Variants in MS4A6A observed in about 807,000 individuals in gnomAD.
The protein encoded by MS4A6A is membrane-spanning 4-domains subfamily A member 6A.
A neutral mutation model predicts 20.6 loss-of-function variants in MS4A6A; 19 were observed. The ratio of observed to expected loss-of-function variants is 0.92; its 90% CI spans 0.64 to 1.36. The LOEUF is 1.36. MS4A6A is among the 40% of genes most tolerant of loss of function. The probability of loss-of-function intolerance (pLI) is 0.00; values close to 1 mark genes in which losing one functional copy is unlikely to be tolerated. For synonymous variants in MS4A6A, 108 were observed against 105.0 expected (o/e 1.03, Z -0.17); for missense variants, 272 against 261.1 (o/e 1.04, Z -0.29).
In MS4A6A at chr11:60,179,894, T is replaced by A; in HGVS notation, c.219A>T (p.Pro73=). 1 of 1,614,028 alleles carries A rather than the reference T, an allele frequency of 6.2e-7. No individual in the cohort carries two copies. The highest frequency in any genetic ancestry group is 8.5e-7 in the Non-Finnish European group (1 of 1,179,990). The change falls in exon 3 of 6, where the codon CCA becomes CCT. Residue 73 remains proline, a synonymous_variant. Coordinates refer to ENST00000528851, the MANE Select transcript of MS4A6A (RefSeq NM_022349.4). ...GIILASASFS[P]NFTQVTSTLL... ...GTGTAGAAGTCACTTGGGTAAAATT[T>A]GGAGAGAAGGAAGCAGATGCCAAAA...
intron 4 of MS4A6A, chr11:60,177,070 CG>C (rs1856879233): frequency 6.6e-6 from 1 of 152,174 alleles, no homozygotes; most frequent in Non-Finnish European, 1.5e-5. Flanking sequence ...TTCACATCAT[CG>C]ATAGCCACAT....
At chr11:60,184,347 C>T (rs187010172), upstream of MS4A6A, 22 of 152,384 alleles carry the variant, frequency 1.4e-4, no homozygotes, top group Admixed American at 7.2e-4. Context: ...CTTCCTCTTT[C>T]GCAGAGTGCC....
At position 60,179,890 on chromosome 11, in the gene MS4A6A, A is replaced by C. The variant is rs751072418; in HGVS notation, c.223T>G (p.Phe75Val). The change falls in exon 3 of 6, where the codon TTT becomes GTT. Residue 75 changes from phenylalanine to valine, a missense_variant. Phe to Val is a conservative substitution (Grantham distance 50, BLOSUM62 -1). Coordinates refer to ENST00000528851, the MANE Select transcript of MS4A6A (RefSeq NM_022349.4). ...ILASASFSPN[F>V]TQVTSTLLNS... is the part of the protein sequence containing the mutation. ...AACAGTGTAGAAGTCACTTGGGTAA[A>C]ATTTGGAGAGAAGGAAGCAGATGCC... 6.2e-7 allele frequency: 1 copy of C among 1,613,960 alleles called. No individual in the cohort carries two copies. Among genetic ancestry groups the C allele is most frequent in the Non-Finnish European group, 8.5e-7 (1 of 1,180,016 alleles).
At chr11:60,181,531 T>C (rs1210590093) in intron 2 of MS4A6A, 50 bp downstream of exon 2, 7 of 1,606,026 alleles carry the variant, frequency 4.4e-6, no homozygotes, top group Non-Finnish European at 5.1e-6. Context: ...ATATATCATC[T>C]CTTGGCACTT....
At chr11:60,179,749 AGCTGGCAG>A (rs1173706496) in intron 3 of MS4A6A, 74 bp downstream of exon 3, 1 of 1,511,960 alleles carries the variant, frequency 6.6e-7, no homozygotes. Context: ...AAACATAGCA[AGCTGGCAG>A]GTGGGAAGTC....
At chr11:60,172,119 T>C, downstream of MS4A6A, 1 of 1,585,824 alleles carries the variant, frequency 6.3e-7, no homozygotes, top group Non-Finnish European at 8.6e-7. Context: ...CATATTATCA[T>C]AAGAATCAAC....
At chr11:60,183,466 A>C (rs1565107020), upstream of MS4A6A, 1 of 365,692 alleles carries the variant, frequency 2.7e-6, no homozygotes, top group East Asian at 5.3e-5. Context: ...AGTAATCATA[A>C]TATAGAGAAA....
intron 5 of MS4A6A, among the ~76,000 whole-genome samples, chr11:60,173,569 T>C (rs1052207231): frequency 2.6e-5 from 4 of 152,210 alleles, no homozygotes; most frequent in African/African-American, 9.7e-5. Context: ...GTATCAAACA[T>C]GCATACTAAC....
chr11:60,183,303 G>A (rs1565106899), upstream of MS4A6A: 3 of 846,668 alleles, frequency 3.5e-6, no homozygotes, highest in Admixed American at 2.5e-5. Flanking sequence ...TGTTAGGCAA[G>A]TCTGTTCTTG....
At chr11:60,173,165 G>T (rs370222713) in intron 5 of MS4A6A, 36 bp from the exon 6 acceptor site, 3 of 1,593,756 alleles carry the variant, frequency 1.9e-6, no homozygotes, top group East Asian at 4.5e-5. Context: ...ATGTTGCTTA[G>T]GTCAGCTGAA....
At position 60,175,704 on chromosome 11, in the gene MS4A6A, G is replaced by C. The variant is rs889951204; in HGVS notation, c.340-93C>G. 2.3e-6 allele frequency: 3 copies of C among 1,325,290 alleles called. No individual in the cohort carries two copies. The Admixed American group carries it at 5.7e-5, about 25-fold the overall frequency. 82.1% of individuals were successfully genotyped at this position (1,325,290 alleles called of 1,614,324 possible). A position where few individuals can be genotyped will look rare whatever the true frequency, so the allele number is the denominator to read the frequency against. On this transcript the variant is annotated intron_variant, in intron 4 of 5. Coordinates refer to ENST00000528851, the MANE Select transcript of MS4A6A (RefSeq NM_022349.4). Reference sequence around the variant, plus strand: ...TAAATTGTAAGTTATTCCCTTATCTGTCCCCTCAGGAGGTCTGGGATTGAT... The same window carrying C: ...TAAATTGTAAGTTATTCCCTTATCTCTCCCCTCAGGAGGTCTGGGATTGAT...
At chr11:60,178,788 C>T in intron 3 of MS4A6A, 1 of 438,956 alleles carries the variant, frequency 2.3e-6, no homozygotes, top group South Asian at 1.6e-5. Context: ...GAAAATGGTG[C>T]TTTACCTCAT....
rs1856629496 is a variant in MS4A6A at position 60,172,517 on chromosome 11, T to C, written c.*484A>G. On this transcript the variant is annotated 3_prime_UTR_variant, in exon 6 of 6. Transcript: ENST00000528851. ...AGGGGTTTGATTCAACAATACATTTTTAATATAGCTTTAAAAAGGCAAACG... is the reference window on the plus strand; with the variant it reads ...AGGGGTTTGATTCAACAATACATTTCTAATATAGCTTTAAAAAGGCAAACG... The C allele has an allele frequency of 1.7e-6, 2 of 1,173,792 alleles. No individual in the cohort carries two copies. Among genetic ancestry groups the C allele is most frequent in the Admixed American group, 8.3e-5 (2 of 24,214 alleles). 72.7% of individuals were successfully genotyped at this position (1,173,792 alleles called of 1,614,324 possible).
rs553953679 is a variant in MS4A6A, at chr11:60,179,661, T to G, written c.282+170A>C. Reference sequence around the variant, plus strand: ...TTATTTGAGTCTGATAAGAAATTGATCTAAAATCAAGCAACCCCTGTCATC... The same window carrying G: ...TTATTTGAGTCTGATAAGAAATTGAGCTAAAATCAAGCAACCCCTGTCATC... On this transcript the variant is annotated intron_variant, in intron 3 of 5. Transcript: ENST00000528851. The G allele has an allele frequency of 1.7e-5, 12 of 714,680 alleles. No individual in the cohort carries two copies. In the East Asian group the frequency reaches 3.2e-4, roughly 19 times the overall value. The allele number at this position is 714,680 out of a possible 1,614,324, so 44.3% of individuals were successfully genotyped here.
chr11:60,184,258 G>A (rs1036403485), upstream of MS4A6A: 2 of 152,194 alleles, frequency 1.3e-5, no homozygotes, highest in African/African-American at 4.8e-5. Flanking sequence ...AATCTGAGAG[G>A]AGGAATGGAC....
Position 60,182,977 on chromosome 11 carries a change from C to T in MS4A6A, c.-15+1G>A, listed in dbSNP as rs2083818704. 8.7e-6 allele frequency: 12 copies of T among 1,376,294 alleles called. 1 individual carries two copies. In the South Asian group the frequency reaches 1.9e-4, roughly 22 times the overall value. The allele number at this position is 1,376,294 out of a possible 1,614,324, so 85.3% of individuals were successfully genotyped here. On this transcript the variant is annotated splice_donor_variant, in intron 1 of 5. Coordinates refer to ENST00000528851, the MANE Select transcript of MS4A6A (RefSeq NM_022349.4). LOFTEE classifies it low-confidence loss of function (5UTR_SPLICE). ...GAGAAAAGTCTTCCAGCATTACCTA[C>T]CTGTGCCCGTTGGTTCCAGCTGAGT...
intron 3 of MS4A6A, chr11:60,178,938 TAGAC>T (rs1856987482): frequency 5.6e-6 from 2 of 359,982 alleles, no homozygotes; most frequent in South Asian, 2.2e-5. Flanking sequence ...AGGAAAATCT[TAGAC>T]AGCCTAGAGG....
At chr11:60,174,296 G>A (rs1421262955) in intron 5 of MS4A6A, among the ~76,000 whole-genome samples, 1 of 151,496 alleles carries the variant, frequency 6.6e-6, no homozygotes, top group Non-Finnish European at 1.5e-5. Context: ...ATGATTGCAG[G>A]ACAACAAATA....
chr11:60,179,635 T>A, intron 3 of MS4A6A, 196 bp downstream of exon 3: 1 of 657,800 alleles, frequency 1.5e-6, no homozygotes, highest in Non-Finnish European at 2.7e-6. Flanking sequence ...AAAAGAAATG[T>A]TTATTTGAGT....
Sources: allele counts gnomAD v4.1 joint callset (sites outside exome capture counted in the v4.1 genomes callset), GRCh38; gene constraint gnomAD v4.1.1; transcripts MANE v1.5; gene names NCBI Gene and HGNC (gene_info 2026-07-23, HGNC 2026-07-21).